TAF2: variants seen among roughly 807,000 people sequenced by gnomAD.
The protein encoded by TAF2 is TATA-box binding protein associated factor 2.
In TAF2, 61 loss-of-function variants were observed where a neutral mutation model predicts 138.5. That is an observed-to-expected ratio of 0.44 (90% CI 0.36 to 0.54). The LOEUF (loss-of-function observed/expected upper bound fraction) is 0.54, where lower values mean the gene tolerates loss of function less well. Among genes scored for constraint, TAF2 ranks in the 20% least tolerant of loss-of-function variants. The pLI, the probability that TAF2 is intolerant of heterozygous loss-of-function variation, is 0.00. For missense variants in TAF2, 1,090 were observed against 1,427.9 expected (o/e 0.76, Z 3.81); for synonymous variants, 475 against 469.9 (o/e 1.01, Z -0.14).
At chr8:119,770,585 G>A (rs957345067) in intron 18 of TAF2, among the ~76,000 whole-genome samples, 34 of 152,074 alleles carry the variant, frequency 2.2e-4, no homozygotes, top group African/African-American at 8.0e-4. Context: ...TATAATAAAT[G>A]CTCAAAGGAG....
intron 4 of TAF2, 43 bp from the exon 5 acceptor site, chr8:119,804,062 A>C: frequency 6.2e-7 from 1 of 1,606,180 alleles, no homozygotes. Flanking sequence ...CATAAGTTAC[A>C]GTGGTCTATA....
chr8:119,780,434 T>G (rs1455818769), intron 17 of TAF2, among the ~76,000 whole-genome samples: 1 of 152,204 alleles, frequency 6.6e-6, no homozygotes, highest in Non-Finnish European at 1.5e-5. Flanking sequence ...TAGAGCTCTA[T>G]GCTGTGCTGT....
At chr8:119,820,650 C>T (rs17818440) in intron 2 of TAF2, among the ~76,000 whole-genome samples, 20,589 of 152,146 alleles carry the variant, frequency 0.14, 1,582 homozygotes, top group Middle Eastern at 0.35. Flanking sequence ...TGCCATAATG[C>T]CTGTGGGTAC....
intron 22 of TAF2, among the ~76,000 whole-genome samples, chr8:119,750,436 AT>A: frequency 6.6e-6 from 1 of 152,360 alleles, no homozygotes; most frequent in Admixed American, 6.5e-5. Context: ...ACACTTCTGA[AT>A]AAACCCAGCA....
At chr8:119,829,922 C>T (rs1016399677) in intron 2 of TAF2, among the ~76,000 whole-genome samples, 1 of 148,138 alleles carries the variant, frequency 6.8e-6, no homozygotes, top group South Asian at 2.1e-4. Flanking sequence ...TGCAGTGGCG[C>T]GATCTCGGCT....
intron 25 of TAF2, among the ~76,000 whole-genome samples, chr8:119,739,125 C>T (rs898524306): frequency 3.3e-5 from 5 of 151,846 alleles, no homozygotes; most frequent in Non-Finnish European, 4.4e-5. Context: ...AGAAACTCTC[C>T]GCTTCTTTCC....
At chr8:119,819,545 G>A (rs1825691840) in intron 2 of TAF2, 39 bp from the exon 3 acceptor site, 1 of 1,509,840 alleles carries the variant, frequency 6.6e-7, no homozygotes, top group African/African-American at 1.4e-5. Context: ...TATAAAGACT[G>A]GTATGTTTCA....
Position 119,783,511 on chromosome 8 carries a change from G to A in TAF2, c.1982C>T (p.Ala661Val). 6.2e-7 allele frequency: 1 copy of A among 1,614,162 alleles called. No individual in the cohort carries two copies. Among genetic ancestry groups the A allele is most frequent in the Non-Finnish European group, 8.5e-7 (1 of 1,180,032 alleles). ...CAAAGCCAAAATGGATTCCTGCTGTGCAACAACATCTCTCTCATAGCGGAG... is the reference window on the plus strand; with the variant it reads ...CAAAGCCAAAATGGATTCCTGCTGTACAACAACATCTCTCTCATAGCGGAG... The part of the protein sequence containing the change: ...YQLRYERDVV[A>V]QQESILALEK... The change falls in exon 16 of 26, where the codon GCA (alanine) becomes GTA (valine). Residue 661 changes from alanine to valine, a missense_variant. Ala to Val is a moderately conservative substitution (Grantham distance 64). This residue lies in a region of TAF2 where 580 missense variants were observed against 719.6 expected (regional missense o/e 0.81). Coordinates refer to ENST00000378164, the MANE Select transcript of TAF2 (RefSeq NM_003184.4).
At chr8:119,779,361 A>AT (rs1822484302) in intron 17 of TAF2, among the ~76,000 whole-genome samples, 2 of 151,980 alleles carry the variant, frequency 1.3e-5, no homozygotes, top group African/African-American at 4.8e-5. Context: ...TTTATTTAAA[A>AT]AAAAAATAAA....
chr8:119,786,728 C>A (rs897066511), intron 14 of TAF2, among the ~76,000 whole-genome samples: 58 of 152,236 alleles, frequency 3.8e-4, no homozygotes, highest in African/African-American at 1.3e-3. Flanking sequence ...TCAAGACCAG[C>A]CTGGCTAACA....
intron 3 of TAF2, among the ~76,000 whole-genome samples, chr8:119,811,603 G>A (rs1167908030): frequency 3.3e-5 from 5 of 151,632 alleles, no homozygotes; most frequent in Admixed American, 3.3e-4. Flanking sequence ...TCAGGAGATC[G>A]AGACCATCCT....
chr8:119,829,918 G>A (rs1826338117), intron 2 of TAF2, among the ~76,000 whole-genome samples: 1 of 146,110 alleles, frequency 6.8e-6, no homozygotes, highest in African/African-American at 2.5e-5. Context: ...GGAGTGCAGT[G>A]GCGCGATCTC....
intron 25 of TAF2, among the ~76,000 whole-genome samples, chr8:119,734,585 C>T (rs935595275): frequency 2.0e-5 from 3 of 152,182 alleles, no homozygotes; most frequent in Non-Finnish European, 4.4e-5. Flanking sequence ...AAATGCTATT[C>T]CCTATGCTTG....
At position 119,801,780 on chromosome 8, in the gene TAF2, A is replaced by AGCAAGAGAGGAG; in HGVS notation, c.792+13_792+14insCTCCTCTCTTGC. The AGCAAGAGAGGAG allele has an allele frequency of 6.2e-7, 1 of 1,607,256 alleles. No individual in the cohort carries two copies. Among genetic ancestry groups the AGCAAGAGAGGAG allele is most frequent in the Non-Finnish European group, 8.5e-7 (1 of 1,174,010 alleles). ...GGGCCAGGAGGAGAGTAAGAGAGGAAAGCTCTGACTTACCTCATGCATGTA... is the reference window on the plus strand; with the variant it reads ...GGGCCAGGAGGAGAGTAAGAGAGGAAGCAAGAGAGGAGAGCTCTGACTTACCTCATGCATGTA... On this transcript the variant is annotated intron_variant, in intron 6 of 25. Coordinates refer to ENST00000378164, the MANE Select transcript of TAF2 (RefSeq NM_003184.4).
Position 119,731,777 on chromosome 8 carries a change from C to A in TAF2, c.*147G>T. On this transcript the variant is annotated 3_prime_UTR_variant, in exon 26 of 26. Coordinates refer to ENST00000378164, the MANE Select transcript of TAF2 (RefSeq NM_003184.4). ...TCCCAACTGTATAAATAACATAAATCAAATGCTTAGAACTTAAATGAATTC... is the reference window on the plus strand; with the variant it reads ...TCCCAACTGTATAAATAACATAAATAAAATGCTTAGAACTTAAATGAATTC... The A allele has an allele frequency of 1.3e-6, 1 of 787,806 alleles. No homozygotes were observed. Among genetic ancestry groups the A allele is most frequent in the East Asian group, 2.6e-5 (1 of 38,746 alleles). 48.8% of individuals were successfully genotyped at this position (787,806 alleles called of 1,614,324 possible).
intron 22 of TAF2, among the ~76,000 whole-genome samples, chr8:119,748,639 A>G (rs1012862053): frequency 2.6e-5 from 4 of 152,186 alleles, no homozygotes; most frequent in Admixed American, 2.6e-4. Context: ...TGGAATATGC[A>G]TATGTGGACA....
chr8:119,823,100 A>T (rs1825889008), intron 2 of TAF2, among the ~76,000 whole-genome samples: 1 of 152,020 alleles, frequency 6.6e-6, no homozygotes, highest in Non-Finnish European at 1.5e-5. Flanking sequence ...TTTCTGTAGA[A>T]TTTTTTCCGT....
At chr8:119,795,413 A>G (rs1823753295) in intron 9 of TAF2, 119 bp downstream of exon 9, 3 of 874,230 alleles carry the variant, frequency 3.4e-6, no homozygotes, top group Non-Finnish European at 5.6e-6. Context: ...CAGTAAATCA[A>G]TTCCCATTTT....
At chr8:119,780,308 A>T (rs959770852) in intron 17 of TAF2, among the ~76,000 whole-genome samples, 17 of 152,182 alleles carry the variant, frequency 1.1e-4, no homozygotes, top group African/African-American at 4.1e-4. Context: ...ATAGCATAAA[A>T]CACTTTACAT....
Sources: gnomAD v4.1 joint callset for allele counts (sites outside exome capture counted in the v4.1 genomes callset) on GRCh38, gnomAD v4.1.1 for gene constraint, gnomAD v4.1.1 regional missense constraint, MANE v1.5 for transcripts, NCBI Gene and HGNC (gene_info 2026-07-23, HGNC 2026-07-21) for gene names.